MACROD2: variants seen among roughly 807,000 people sequenced by gnomAD.
MACROD2 encodes the protein ADP-ribose glycohydrolase MACROD2.
A neutral mutation model predicts 70.4 loss-of-function variants in MACROD2; 36 were observed. The ratio of observed to expected loss-of-function variants is 0.51; its 90% confidence interval spans 0.39 to 0.68. MACROD2 has a LOEUF of 0.68. Among genes scored for constraint, MACROD2 ranks in the 30% least tolerant of loss-of-function variants. The probability of loss-of-function intolerance (pLI) is 0.00; values close to 1 mark genes in which losing one functional copy is unlikely to be tolerated. For synonymous variants in MACROD2, 172 were observed against 178.8 expected, an observed-to-expected ratio of 0.96 and a Z score of 0.30; for missense variants, 496 against 538.4, an observed-to-expected ratio of 0.92 and a Z score of 0.78.
intron 3 of MACROD2, among the ~76,000 whole-genome samples, chr20:14,228,991 CAAA>C (rs11480896): frequency 7.4e-6 from 1 of 135,018 alleles, no homozygotes; most frequent in Non-Finnish European, 1.6e-5. Context: ...GACTCTGTCT[CAAA>C]AAAAAAAAAA....
intron 3 of MACROD2, among the ~76,000 whole-genome samples, chr20:14,382,556 G>A (rs1489759692): frequency 6.6e-6 from 1 of 151,730 alleles, no homozygotes; most frequent in African/African-American, 2.4e-5. Flanking sequence ...TAATCCCAGC[G>A]ACTCCGGAGG....
chr20:15,796,101 A>G (rs192859566), intron 8 of MACROD2, among the ~76,000 whole-genome samples: 4 of 152,342 alleles, frequency 2.6e-5, no homozygotes, highest in Admixed American at 2.6e-4. Flanking sequence ...CTGAAAGGGA[A>G]GCAATTTGGG....
chr20:14,721,858 C>T (rs192066120), intron 5 of MACROD2, among the ~76,000 whole-genome samples: 11 of 152,302 alleles, frequency 7.2e-5, no homozygotes, highest in Admixed American at 7.2e-4. Flanking sequence ...CTTCATTCAG[C>T]TGCTCTAACC....
intron 2 of MACROD2, among the ~76,000 whole-genome samples, chr20:14,010,425 G>C (rs1268019426): frequency 6.6e-6 from 1 of 152,064 alleles, no homozygotes; most frequent in Non-Finnish European, 1.5e-5. Flanking sequence ...GGGGGAGGCA[G>C]GCATGCGTGA....
intron 5 of MACROD2, among the ~76,000 whole-genome samples, chr20:14,735,620 G>T (rs141870069): frequency 6.6e-6 from 1 of 152,216 alleles, no homozygotes; most frequent in Non-Finnish European, 1.5e-5. Context: ...GGCTGAGGTG[G>T]GTGGCTTGCT....
chr20:14,626,059 C>T (rs1475009286), intron 4 of MACROD2, among the ~76,000 whole-genome samples: 1 of 152,204 alleles, frequency 6.6e-6, no homozygotes, highest in Non-Finnish European at 1.5e-5. Flanking sequence ...CTTGTGACCT[C>T]GTGATCTGCC....
intron 3 of MACROD2, among the ~76,000 whole-genome samples, chr20:14,493,251 TA>T (rs1261879060): frequency 6.6e-6 from 1 of 151,976 alleles, no homozygotes; most frequent in Non-Finnish European, 1.5e-5. Flanking sequence ...AAATATATTA[TA>T]AAAATAGCCA....
chr20:13,999,900 G>A (rs536134422), intron 1 of MACROD2, among the ~76,000 whole-genome samples: 5 of 152,274 alleles, frequency 3.3e-5, no homozygotes, highest in Non-Finnish European at 7.4e-5. Flanking sequence ...TGTAGTCCCA[G>A]CTACTCAGGA....
At chr20:14,543,123 G>T (rs540378338) in intron 4 of MACROD2, among the ~76,000 whole-genome samples, 2 of 152,008 alleles carry the variant, frequency 1.3e-5, no homozygotes, top group East Asian at 3.9e-4. Flanking sequence ...TATTCTCAAG[G>T]CATACATTCC....
rs371769687 is a variant in MACROD2, at chr20:14,360,667, C to T, written c.272-132812C>T. Among the ~76,000 whole-genome samples the T allele has an allele frequency of 8.5e-5, 13 of 152,326 alleles. 1 individual carries two copies. The highest frequency in any genetic ancestry group is 3.1e-4 in the African/African-American group (13 of 41,574). ...AATGAATTATCATGGTTATCAAATC[C>T]TGTTGCAAGCTATAAAGACCTCATT... On this transcript the variant is annotated intron_variant, in intron 3 of 17. Transcript: ENST00000684519.
chr20:14,196,815 C>G (rs2081436428), intron 3 of MACROD2, among the ~76,000 whole-genome samples: 1 of 152,190 alleles, frequency 6.6e-6, no homozygotes, highest in Admixed American at 6.5e-5. Context: ...GCTGACAGCT[C>G]TTAGTTTTAC....
At chr20:15,075,042 A>T (rs2075647722) in intron 5 of MACROD2, among the ~76,000 whole-genome samples, 1 of 152,212 alleles carries the variant, frequency 6.6e-6, no homozygotes, top group Non-Finnish European at 1.5e-5. Context: ...TGAGGAGGTG[A>T]AAGGAGTTCT....
chr20:15,374,009 CTAATA>C (rs2045528031), intron 6 of MACROD2, among the ~76,000 whole-genome samples: 1 of 151,988 alleles, frequency 6.6e-6, no homozygotes, highest in African/African-American at 2.4e-5. Context: ...TGTTTTCCCT[CTAATA>C]TGAGAATTCA....
chr20:15,636,413 T>A (rs1316597286), intron 8 of MACROD2, among the ~76,000 whole-genome samples: 4 of 152,214 alleles, frequency 2.6e-5, no homozygotes, highest in Non-Finnish European at 5.9e-5. Flanking sequence ...GAATCTAGTC[T>A]CAGAAGACAA....
chr20:15,903,099 G>A (rs1473685392), intron 10 of MACROD2, among the ~76,000 whole-genome samples: 1 of 152,302 alleles, frequency 6.6e-6, no homozygotes, highest in Admixed American at 6.5e-5. Flanking sequence ...AAGTGGGCCG[G>A]GTGCGGTGTC....
intron 9 of MACROD2, among the ~76,000 whole-genome samples, chr20:15,865,722 A>C (rs976810926): frequency 6.6e-6 from 1 of 152,170 alleles, no homozygotes; most frequent in Non-Finnish European, 1.5e-5. Context: ...GGCATTTATT[A>C]CTCACAAGTC....
At chr20:15,255,896 C>A (rs117037251) in intron 6 of MACROD2, among the ~76,000 whole-genome samples, 1 of 152,046 alleles carries the variant, frequency 6.6e-6, no homozygotes, top group Non-Finnish European at 1.5e-5. Context: ...AACTGTATGG[C>A]AACAGAGATC....
At chr20:14,760,008 A>G (rs1268669160) in intron 5 of MACROD2, among the ~76,000 whole-genome samples, 1 of 152,130 alleles carries the variant, frequency 6.6e-6, no homozygotes, top group African/African-American at 2.4e-5. Context: ...GCTGGAGCAG[A>G]GGCATCTGAG....
chr20:14,467,587 G>A (rs1303145620), intron 3 of MACROD2, among the ~76,000 whole-genome samples: 4 of 152,026 alleles, frequency 2.6e-5, no homozygotes, highest in Non-Finnish European at 5.9e-5. Flanking sequence ...AACCCGGTTG[G>A]AAATGCAGAA....
Sources: allele counts gnomAD v4.1 joint callset (sites outside exome capture counted in the v4.1 genomes callset), GRCh38; gene constraint gnomAD v4.1.1; transcripts MANE v1.5; gene names NCBI Gene and HGNC (gene_info 2026-07-23, HGNC 2026-07-21).